CCNY: variants seen among roughly 807,000 people sequenced by gnomAD.
The protein encoded by CCNY is cyclin-Y.
A neutral mutation model predicts 42.8 loss-of-function variants in CCNY; 19 were observed. The ratio of observed to expected loss-of-function variants is 0.44; its 90% CI spans 0.31 to 0.65. The LOEUF (loss-of-function observed/expected upper bound fraction) is 0.65. CCNY is among the 30% of genes least tolerant of loss of function. The pLI, the probability that CCNY is intolerant of heterozygous loss-of-function variation, is 0.07. For synonymous variants in CCNY, 165 were observed against 162.7 expected (o/e 1.01, Z -0.11); for missense variants, 370 against 437.3 (o/e 0.85, Z 1.37).
At chr10:35,335,480 G>A (rs112322512), upstream of CCNY, among the ~76,000 whole-genome samples, 1,545 of 152,008 alleles carry the variant, frequency 0.01, 24 homozygotes, top group African/African-American at 0.035. Flanking sequence ...ACAGCTTAAA[G>A]CAAGGTCACT....
chr10:35,349,699 G>T (rs187976181), intron 1 of CCNY, among the ~76,000 whole-genome samples: 1 of 152,250 alleles, frequency 6.6e-6, no homozygotes, highest in African/African-American at 2.4e-5. Flanking sequence ...CATTAGGGGG[G>T]GCTGCCCTAT....
At chr10:35,552,911 A>G in intron 7 of CCNY, 108 bp from the exon 8 acceptor site, 1 of 1,125,160 alleles carries the variant, frequency 8.9e-7, no homozygotes, top group South Asian at 1.5e-5. Context: ...TTGGGTAATA[A>G]ATTCCCATTT....
chr10:35,251,059 T>C (rs2095711644), intron 3 of CCNY: 2 of 152,184 alleles, frequency 1.3e-5, no homozygotes, highest in African/African-American at 4.8e-5. Context: ...TTTAACTGGA[T>C]GCTTATAAGG....
chr10:35,296,981 C>T (rs1469587787), intron 3 of CCNY, among the ~76,000 whole-genome samples: 1 of 151,890 alleles, frequency 6.6e-6, no homozygotes, highest in African/African-American at 2.4e-5. Context: ...GATACCAAAA[C>T]CTGGCAAAAC....
chr10:35,323,317 C>T (rs1376976102), intron 3 of CCNY, among the ~76,000 whole-genome samples: 2 of 152,096 alleles, frequency 1.3e-5, no homozygotes, highest in Non-Finnish European at 2.9e-5. Context: ...CATGTCCACA[C>T]AAAAACTTGT....
At chr10:35,368,819 C>T (rs986985752) in intron 1 of CCNY, among the ~76,000 whole-genome samples, 9 of 142,022 alleles carry the variant, frequency 6.3e-5, no homozygotes, top group Admixed American at 5.6e-4. Flanking sequence ...AAAGGGGCTG[C>T]AGAGTTCCTT....
chr10:35,337,623 A>G (rs1246928508), intron 1 of CCNY, among the ~76,000 whole-genome samples: 2 of 152,298 alleles, frequency 1.3e-5, no homozygotes, highest in Non-Finnish European at 2.9e-5. Flanking sequence ...AAGTGAGTGG[A>G]TTCCCATTTT....
At position 35,406,862 on chromosome 10, in the gene CCNY, A is replaced by AC. The variant is rs1331279530; in HGVS notation, c.154+69664dup. On this transcript the variant is annotated intron_variant, in intron 1 of 9. Coordinates refer to ENST00000374704, the MANE Select transcript of CCNY (RefSeq NM_145012.6). ...GGGCGGCTGGCCGGGCGGGGGGCTG[A>AC]CCCCCCCCCACCTCCGTCCCCGTCG... Among the ~76,000 whole-genome samples the AC allele has an allele frequency of 5.5e-3, 770 of 139,972 alleles. 5 individuals carry two copies. Among genetic ancestry groups the AC allele is most frequent in the African/African-American group, 0.014 (544 of 37,752 alleles). 91.8% of individuals were successfully genotyped at this position (139,972 alleles called of 152,430 possible). A position where few individuals can be genotyped will look rare whatever the true frequency, so the allele number is the denominator to read the frequency against.
chr10:35,472,493 A>T (rs186340211), intron 1 of CCNY, among the ~76,000 whole-genome samples: 2 of 152,236 alleles, frequency 1.3e-5, no homozygotes, highest in African/African-American at 4.8e-5. Flanking sequence ...ACTTAGAAGG[A>T]TGCTCTTGTA....
At chr10:35,357,616 C>G (rs1836587507) in intron 1 of CCNY, among the ~76,000 whole-genome samples, 1 of 152,226 alleles carries the variant, frequency 6.6e-6, no homozygotes, top group Non-Finnish European at 1.5e-5. Context: ...GTCTGTTTAT[C>G]CCAGCATTGG....
At chr10:35,432,159 A>T (rs537411366) in intron 1 of CCNY, among the ~76,000 whole-genome samples, 1 of 152,216 alleles carries the variant, frequency 6.6e-6, no homozygotes, top group African/African-American at 2.4e-5. Context: ...GGGAAGGATC[A>T]TTAGATTTGA....
upstream of CCNY, among the ~76,000 whole-genome samples, chr10:35,332,904 C>T (rs1438339050): frequency 1.3e-5 from 2 of 152,276 alleles, no homozygotes; most frequent in Admixed American, 1.3e-4. Flanking sequence ...GCGCCCGGCC[C>T]ACCTGAGTTT....
At chr10:35,484,132 A>G (rs1259557237) in intron 2 of CCNY, among the ~76,000 whole-genome samples, 1 of 152,196 alleles carries the variant, frequency 6.6e-6, no homozygotes, top group Non-Finnish European at 1.5e-5. Flanking sequence ...ACACATCTTC[A>G]TTGGATTCCT....
intron 3 of CCNY, among the ~76,000 whole-genome samples, chr10:35,275,812 GA>G (rs1835232871): frequency 6.6e-6 from 1 of 152,094 alleles, no homozygotes; most frequent in East Asian, 1.9e-4. Context: ...ATGACCAGAG[GA>G]ATGACCACTG....
intron 1 of CCNY, among the ~76,000 whole-genome samples, chr10:35,397,808 C>T (rs181872282): frequency 2.0e-5 from 3 of 152,324 alleles, no homozygotes; most frequent in Admixed American, 6.5e-5. Flanking sequence ...CATGTGTGTC[C>T]TTTCCCTCTG....
chr10:35,525,934 A>G (rs1840642616), intron 4 of CCNY, 30 bp from the exon 5 acceptor site: 2 of 1,605,316 alleles, frequency 1.2e-6, no homozygotes, highest in Non-Finnish European at 1.7e-6. Context: ...ATGCTCATGG[A>G]CACTGAACCT....
chr10:35,547,873 C>T (rs1841150045), intron 7 of CCNY, among the ~76,000 whole-genome samples: 1 of 152,104 alleles, frequency 6.6e-6, no homozygotes, highest in Admixed American at 6.5e-5. Context: ...GAGATAAATG[C>T]AGCATTGGGA....
At chr10:35,411,230 A>G (rs150830842) in intron 1 of CCNY, among the ~76,000 whole-genome samples, 113 of 152,256 alleles carry the variant, frequency 7.4e-4, no homozygotes, top group Non-Finnish European at 1.1e-3. Flanking sequence ...TAGCAGCGAT[A>G]GGCCGGGTGC....
chr10:35,253,414 A>ATTTTTTTTTTTT (rs61405875), intron 3 of CCNY, among the ~76,000 whole-genome samples: 1 of 89,036 alleles, frequency 1.1e-5, no homozygotes, highest in Non-Finnish European at 2.2e-5. Context: ...CATGCTCACT[A>ATTTTTTTTTTTT]TTTTTTTTTT....
Sources: gnomAD v4.1 joint callset for allele counts (sites outside exome capture counted in the v4.1 genomes callset) on GRCh38, gnomAD v4.1.1 for gene constraint, MANE v1.5 for transcripts, NCBI Gene and HGNC (gene_info 2026-07-23, HGNC 2026-07-21) for gene names.